The following FAM3B variants were observed in gnomAD, a reference collection of about 807,000 sequenced individuals.
FAM3B encodes protein FAM3B.
FAM3B carries 29 observed loss-of-function variants against 28.4 expected under a neutral mutation model. That is an observed-to-expected ratio of 1.02 (90% CI 0.76 to 1.39). The LOEUF is 1.39. Ranked by LOEUF, FAM3B falls within the 40% of genes most tolerant of loss-of-function variation. The pLI is 0.00. For missense variants in FAM3B, 266 were observed against 293.9 expected (o/e 0.91, Z 0.69); for synonymous variants, 91 against 103.0 (o/e 0.88, Z 0.71).
chr21:41,343,766 T>A (rs2089028779), intron 3 of FAM3B, among the ~76,000 whole-genome samples: 1 of 152,198 alleles, frequency 6.6e-6, no homozygotes, highest in Non-Finnish European at 1.5e-5. Context: ...TTTTCCTGAT[T>A]TTAGGGCACA....
chr21:41,305,720 A>C (rs2088679618), intron 1 of FAM3B, among the ~76,000 whole-genome samples: 1 of 152,248 alleles, frequency 6.6e-6, no homozygotes, highest in African/African-American at 2.4e-5. Context: ...CTTTATTGCT[A>C]AAAGTGCCAA....
chr21:41,310,899 T>C (rs2088705416), intron 1 of FAM3B, among the ~76,000 whole-genome samples: 2 of 152,126 alleles, frequency 1.3e-5, no homozygotes, highest in Non-Finnish European at 2.9e-5. Flanking sequence ...TAAAAGGATA[T>C]TTTTTCCCCA....
intron 7 of FAM3B, 91 bp downstream of exon 7, chr21:41,348,815 T>C: frequency 1.4e-6 from 2 of 1,408,656 alleles, no homozygotes; most frequent in South Asian, 2.4e-5. Context: ...TAACTCCGTC[T>C]CCAAACATAA....
At chr21:41,347,534 C>A (rs2089073580) in intron 6 of FAM3B, among the ~76,000 whole-genome samples, 1 of 152,112 alleles carries the variant, frequency 6.6e-6, no homozygotes, top group African/African-American at 2.4e-5. Flanking sequence ...GCAGGCGGAT[C>A]ACGAGGTCAA....
upstream of FAM3B, among the ~76,000 whole-genome samples, chr21:41,314,949 A>T (rs1455159080): frequency 6.6e-6 from 1 of 152,168 alleles, no homozygotes; most frequent in Admixed American, 6.6e-5. Context: ...TATCCAAAAG[A>T]ATTGAAAGCA....
At chr21:41,332,726 G>A (rs1416333032) in intron 2 of FAM3B, among the ~76,000 whole-genome samples, 2 of 152,100 alleles carry the variant, frequency 1.3e-5, no homozygotes, top group Non-Finnish European at 2.9e-5. Context: ...TTTTTTCGGT[G>A]TATAATTGTC....
chr21:41,335,983 C>T (rs1026515982), intron 2 of FAM3B, among the ~76,000 whole-genome samples: 2 of 152,156 alleles, frequency 1.3e-5, no homozygotes, highest in African/African-American at 4.8e-5. Context: ...TATGTTGAAA[C>T]CTCATTACTC....
rs1166892963 is a variant in FAM3B, at chr21:41,326,393, G to A, written c.163+3327G>A. 2.0e-5 allele frequency among the ~76,000 whole-genome samples: 3 copies of A among 152,148 alleles called. No individual in the cohort carries two copies. The highest frequency in any genetic ancestry group is 4.4e-5 in the Non-Finnish European group (3 of 68,018). On this transcript the variant is annotated intron_variant, in intron 2 of 7. Transcript: ENST00000357985. This position sits in a 1 kb window ranked among gnomAD's most constrained non-coding sequence, Gnocchi z 4.0. Reference sequence around the variant, plus strand: ...ACATGGGTTCCCTGCCCACTCCCAGGCCCTGTGAGGAAACACAAATGCCCA... The same window carrying A: ...ACATGGGTTCCCTGCCCACTCCCAGACCCTGTGAGGAAACACAAATGCCCA...
At chr21:41,339,397 G>A (rs2088984078) in intron 3 of FAM3B, among the ~76,000 whole-genome samples, 1 of 152,162 alleles carries the variant, frequency 6.6e-6, no homozygotes, top group Non-Finnish European at 1.5e-5. Context: ...TCTCTAAAGA[G>A]AGAGTTCCTT....
upstream of FAM3B, among the ~76,000 whole-genome samples, chr21:41,316,337 C>T (rs2088748585): frequency 6.6e-6 from 1 of 152,220 alleles, no homozygotes. Context: ...GCCTGCTAGG[C>T]TGGGCTGGGC....
chr21:41,327,261 C>A (rs952353071), intron 2 of FAM3B, among the ~76,000 whole-genome samples: 1 of 152,254 alleles, frequency 6.6e-6, no homozygotes, highest in African/African-American at 2.4e-5. Context: ...ATAAATCTTT[C>A]CACCATTTCT....
intron 5 of FAM3B, 41 bp from the exon 6 acceptor site, chr21:41,346,972 G>A (rs1365454475): frequency 2.5e-6 from 4 of 1,580,414 alleles, no homozygotes; most frequent in Non-Finnish European, 3.5e-6. Context: ...GAGCCTCAGT[G>A]AACAGCAAAG....
intron 4 of FAM3B, 149 bp downstream of exon 4, chr21:41,344,683 C>T: frequency 1.6e-6 from 1 of 615,838 alleles, no homozygotes; most frequent in South Asian, 2.1e-5. Flanking sequence ...ATTATTTTTA[C>T]AAGTCTCACT....
chr21:41,323,145 G>C, intron 2 of FAM3B, 79 bp downstream of exon 2: 1 of 1,552,020 alleles, frequency 6.4e-7, no homozygotes. Context: ...TGTCCCAGCT[G>C]GAGGCTGGGG....
chr21:41,356,309 T>C (rs2089167125), intron 7 of FAM3B, among the ~76,000 whole-genome samples: 1 of 152,240 alleles, frequency 6.6e-6, no homozygotes, highest in Non-Finnish European at 1.5e-5. Context: ...AATTTACATG[T>C]AGCATACCTA....
chr21:41,343,413 C>T (rs907255151), intron 3 of FAM3B, among the ~76,000 whole-genome samples: 1 of 152,202 alleles, frequency 6.6e-6, no homozygotes, highest in Admixed American at 6.5e-5. Context: ...ATGTTTTCTG[C>T]TTTTCTCCAT....
At position 41,322,709 on chromosome 21, in the gene FAM3B, G is replaced by C. The variant is rs1388383451; in HGVS notation, c.20-214G>C. ...CAGCAAATACAACTTGCCCTGGAAA[G>C]CATTCCTGTCTTGTTTGTATTCTCT... On this transcript the variant is annotated intron_variant, in intron 1 of 7. Transcript: ENST00000357985. 4.1e-6 allele frequency: 3 copies of C among 735,752 alleles called. No individual in the cohort carries two copies. The Admixed American group carries it at 6.0e-5, about 15-fold the overall frequency. 45.6% of individuals were successfully genotyped at this position (735,752 alleles called of 1,614,324 possible). A position where few individuals can be genotyped will look rare whatever the true frequency, so the allele number is the denominator to read the frequency against.
chr21:41,356,560 T>A lies in FAM3B; in HGVS notation c.619-548T>A, dbSNP rs541460384. On this transcript the variant is annotated intron_variant, in intron 7 of 7. Coordinates refer to ENST00000357985, the MANE Select transcript of FAM3B (RefSeq NM_058186.4). ...GCACCATTGTAAAGTTAAACCACCA[T>A]GAGTTGGGGACCATCTGTACTCCAT... is the stretch of plus-strand genomic sequence containing the variant. Among the ~76,000 whole-genome samples the A allele has an allele frequency of 1.7e-3, 255 of 152,320 alleles. 1 individual carries two copies. Among genetic ancestry groups the A allele is most frequent in the Non-Finnish European group, 2.9e-3 (198 of 68,030 alleles).
At chr21:41,339,302 A>G (rs1184545778) in intron 3 of FAM3B, among the ~76,000 whole-genome samples, 3 of 151,746 alleles carry the variant, frequency 2.0e-5, no homozygotes, top group Non-Finnish European at 4.4e-5. Flanking sequence ...TTTATTATTT[A>G]TTTATTTTGT....
Sources: gnomAD v4.1 joint callset for allele counts (sites outside exome capture counted in the v4.1 genomes callset) on GRCh38, gnomAD v4.1.1 for gene constraint, Gnocchi (gnomAD v3.1) non-coding constraint, MANE v1.5 for transcripts, NCBI Gene and HGNC (gene_info 2026-07-23, HGNC 2026-07-21) for gene names.